Variants in KCNB2 observed in about 807,000 individuals in gnomAD.
KCNB2 encodes potassium voltage-gated channel subfamily B member 2.
A neutral mutation model predicts 61.5 loss-of-function variants in KCNB2; 15 were observed. The observed-to-expected ratio is 0.24, with a 90% confidence interval of 0.16 to 0.38. The LOEUF (loss-of-function observed/expected upper bound fraction) is 0.38. Among genes scored for constraint, KCNB2 ranks in the 10% least tolerant of loss-of-function variants. KCNB2 has a pLI of 1.00. For missense variants in KCNB2, 828 were observed against 1,125.2 expected, an observed-to-expected ratio of 0.74 and a Z score of 3.78; for synonymous variants, 457 against 446.0, an observed-to-expected ratio of 1.02 and a Z score of -0.31.
intron 2 of KCNB2, among the ~76,000 whole-genome samples, chr8:72,895,049 A>G (rs1805969452): frequency 6.6e-6 from 1 of 152,190 alleles, no homozygotes; most frequent in Admixed American, 6.5e-5. Flanking sequence ...AAAATGGATC[A>G]ACAGTCACAA....
chr8:72,721,275 C>T (rs542885651), intron 2 of KCNB2, among the ~76,000 whole-genome samples: 2 of 152,338 alleles, frequency 1.3e-5, no homozygotes, highest in African/African-American at 4.8e-5. Flanking sequence ...CCCACATACA[C>T]CACATCATCC....
chr8:72,754,122 T>C (rs903754536), intron 2 of KCNB2, among the ~76,000 whole-genome samples: 14 of 152,148 alleles, frequency 9.2e-5, no homozygotes, highest in Admixed American at 2.0e-4. Context: ...GCTATCAAGT[T>C]TGAATAGATG....
chr8:72,638,818 C>A (rs1003956189), intron 2 of KCNB2, among the ~76,000 whole-genome samples: 1 of 152,086 alleles, frequency 6.6e-6, no homozygotes, highest in African/African-American at 2.4e-5. Flanking sequence ...AAGCCTGGAA[C>A]CTTTCCCACT....
rs565733033 is a variant in KCNB2 at position 72,774,832 on chromosome 8, A to T, written c.580-161103A>T. Among the ~76,000 whole-genome samples, 168 of 152,296 alleles carry T rather than the reference A, an allele frequency of 1.1e-3. 1 individual carries two copies. Among genetic ancestry groups the T allele is most frequent in the African/African-American group, 3.9e-3 (161 of 41,546 alleles). On this transcript the variant is annotated intron_variant, in intron 2 of 2. Coordinates refer to ENST00000523207, the MANE Select transcript of KCNB2 (RefSeq NM_004770.3). ...AATGTGAGGATCTAGTATTAATTCC[A>T]GTGCCTCCTATTTAGAGACCTGCTA...
intron 2 of KCNB2, among the ~76,000 whole-genome samples, chr8:72,654,378 T>C (rs551015552): frequency 3.2e-4 from 49 of 152,222 alleles, no homozygotes; most frequent in African/African-American, 1.1e-3. Flanking sequence ...GATGAAAGAG[T>C]GACAGCTATT....
intron 2 of KCNB2, among the ~76,000 whole-genome samples, chr8:72,807,933 G>T (rs1231826422): frequency 1.3e-5 from 2 of 152,148 alleles, no homozygotes; most frequent in South Asian, 4.1e-4. Context: ...AGAAATTAAA[G>T]ATAAGGAAAC....
intron 2 of KCNB2, among the ~76,000 whole-genome samples, chr8:72,692,970 T>C (rs1320728741): frequency 6.6e-6 from 1 of 152,122 alleles, no homozygotes; most frequent in Non-Finnish European, 1.5e-5. Context: ...TTGTTTTGTT[T>C]TGTTTTAAGG....
At position 72,675,061 on chromosome 8, in the gene KCNB2, C is replaced by A. The variant is rs542133427; in HGVS notation, c.579+106748C>A. ...GCTCCTTTAGTCATACCTTTTCTTG[C>A]ATACAACTAAATGTAGAAATGACTA... On this transcript the variant is annotated intron_variant, in intron 2 of 2. Transcript: ENST00000523207. Among the ~76,000 whole-genome samples, 92 of 152,194 alleles carry A rather than the reference C, an allele frequency of 6.0e-4. 1 individual carries two copies. The South Asian group carries it at 0.019, about 31-fold the overall frequency.
At chr8:72,638,335 A>G (rs773676062) in intron 2 of KCNB2, among the ~76,000 whole-genome samples, 16 of 152,120 alleles carry the variant, frequency 1.1e-4, no homozygotes, top group Non-Finnish European at 1.9e-4. Flanking sequence ...GAAATTCACA[A>G]AAGATTGGGA....
chr8:72,646,182 C>T (rs1806126147), intron 2 of KCNB2, among the ~76,000 whole-genome samples: 1 of 151,712 alleles, frequency 6.6e-6, no homozygotes, highest in South Asian at 2.1e-4. Context: ...ATCAGAAATA[C>T]TATATATACT....
intron 2 of KCNB2, among the ~76,000 whole-genome samples, chr8:72,932,519 A>G (rs538015952): frequency 6.6e-6 from 1 of 152,242 alleles, no homozygotes; most frequent in South Asian, 2.1e-4. Context: ...AAGACCCCCT[A>G]TAAAACTTGT....
chr8:72,627,425 T>A (rs999919265), intron 2 of KCNB2, among the ~76,000 whole-genome samples: 1 of 152,224 alleles, frequency 6.6e-6, no homozygotes, highest in African/African-American at 2.4e-5. Context: ...CTAGAAATGA[T>A]AGAAAGTATA....
At chr8:72,627,092 C>T (rs1316472731) in intron 2 of KCNB2, among the ~76,000 whole-genome samples, 2 of 152,190 alleles carry the variant, frequency 1.3e-5, no homozygotes, top group African/African-American at 4.8e-5. Context: ...ATTCTAAAAG[C>T]TCATGCCAAA....
intron 2 of KCNB2, among the ~76,000 whole-genome samples, chr8:72,628,183 G>A (rs891938361): frequency 3.9e-5 from 6 of 152,064 alleles, no homozygotes; most frequent in Non-Finnish European, 7.4e-5. Context: ...CAAACTCCTG[G>A]CCTCATGTCA....
In KCNB2 at chr8:72,938,145, C is replaced by G; in HGVS notation, c.*54C>G. The G allele has an allele frequency of 7.0e-7, 1 of 1,420,568 alleles. No homozygotes were observed. Among genetic ancestry groups the G allele is most frequent in the Non-Finnish European group, 9.6e-7 (1 of 1,041,740 alleles). The allele number at this position is 1,420,568 out of a possible 1,614,324, so 88.0% of individuals were successfully genotyped here. On this transcript the variant is annotated 3_prime_UTR_variant, in exon 3 of 3. Coordinates refer to ENST00000523207, the MANE Select transcript of KCNB2 (RefSeq NM_004770.3). ...AAACAAAACAAAACAAAACTTGTTT[C>G]TTAAAAATGCGGTTAATAATGCCTG...
intron 2 of KCNB2, among the ~76,000 whole-genome samples, chr8:72,599,479 C>G (rs897699231): frequency 1.3e-5 from 2 of 152,028 alleles, no homozygotes; most frequent in African/African-American, 4.8e-5. Context: ...AATGTTAGAC[C>G]TAAAACCATA....
intron 2 of KCNB2, among the ~76,000 whole-genome samples, chr8:72,926,202 T>C (rs113809752): frequency 0.051 from 7,734 of 152,180 alleles, 618 homozygotes; most frequent in African/African-American, 0.18. Flanking sequence ...TTTACCTATG[T>C]AACAAATCTG....
intron 2 of KCNB2, among the ~76,000 whole-genome samples, chr8:72,615,887 A>G (rs558712554): frequency 3.3e-5 from 5 of 152,346 alleles, no homozygotes; most frequent in African/African-American, 1.2e-4. Flanking sequence ...AGCTGCAAGT[A>G]TCATAACTTG....
intron 2 of KCNB2, among the ~76,000 whole-genome samples, chr8:72,856,384 C>G (rs1028260949): frequency 2.6e-5 from 4 of 152,128 alleles, no homozygotes; most frequent in South Asian, 2.1e-4. Context: ...TAGTGGCTGC[C>G]ATATTGGACA....
Sources: gnomAD v4.1 joint callset for allele counts (sites outside exome capture counted in the v4.1 genomes callset) on GRCh38, gnomAD v4.1.1 for gene constraint, MANE v1.5 for transcripts, NCBI Gene and HGNC (gene_info 2026-07-23, HGNC 2026-07-21) for gene names.